The following PDE4D variants were observed in gnomAD, a reference collection of about 807,000 sequenced individuals.
The protein encoded by PDE4D is phosphodiesterase 4D, also known as 3',5'-cyclic-AMP phosphodiesterase 4D.
A neutral mutation model predicts 87.4 loss-of-function variants in PDE4D; 24 were observed. The observed-to-expected ratio is 0.27, with a 90% CI of 0.20 to 0.39. The LOEUF is 0.39. Among genes scored for constraint, PDE4D ranks in the 10% least tolerant of loss-of-function variants. The pLI, the probability that PDE4D is intolerant of heterozygous loss-of-function variation, is 1.00. For missense variants in PDE4D, 714 were observed against 1,041.0 expected (o/e 0.69, Z 4.32); for synonymous variants, 384 against 383.2 (o/e 1.00, Z -0.02).
At chr5:59,891,804 C>CACAA (rs1750995660) in intron 1 of PDE4D, among the ~76,000 whole-genome samples, 1 of 151,900 alleles carries the variant, frequency 6.6e-6, no homozygotes, top group South Asian at 2.1e-4. Flanking sequence ...CACACACACA[C>CACAA]ACAAAACTCA....
chr5:60,414,042 C>T (rs1742272452), intron 1 of PDE4D, among the ~76,000 whole-genome samples: 1 of 152,146 alleles, frequency 6.6e-6, no homozygotes, highest in South Asian at 2.1e-4. Flanking sequence ...ACAATTTCTC[C>T]CCTTTCGAAG....
chr5:59,167,049 A>G (rs1782028105), intron 5 of PDE4D, among the ~76,000 whole-genome samples: 2 of 152,244 alleles, frequency 1.3e-5, no homozygotes, highest in East Asian at 1.9e-4. Flanking sequence ...GACATTTACT[A>G]TGTCCCAGAC....
At chr5:60,023,887 G>A (rs1464069523) in intron 2 of PDE4D, among the ~76,000 whole-genome samples, 2 of 152,150 alleles carry the variant, frequency 1.3e-5, no homozygotes. Flanking sequence ...GCACGACTGT[G>A]ACCACAGATA....
At chr5:59,488,716 C>G (rs1383119364) in intron 1 of PDE4D, among the ~76,000 whole-genome samples, 14 of 149,962 alleles carry the variant, frequency 9.3e-5, no homozygotes, top group Admixed American at 7.3e-4. Flanking sequence ...GAGAGCTTTC[C>G]AAGTACAGTT....
intron 1 of PDE4D, among the ~76,000 whole-genome samples, chr5:59,562,957 A>G (rs116651655): frequency 3.0e-3 from 452 of 152,356 alleles, no homozygotes; most frequent in African/African-American, 0.01. Context: ...TGACTAGCCC[A>G]GAGGCTCTGT....
intron 1 of PDE4D, among the ~76,000 whole-genome samples, chr5:60,400,429 G>C (rs2150044723): frequency 6.7e-6 from 1 of 149,262 alleles, no homozygotes; most frequent in South Asian, 2.1e-4. Flanking sequence ...GGCTGAGGCA[G>C]GAGAATGGCG....
intron 1 of PDE4D, among the ~76,000 whole-genome samples, chr5:59,549,119 T>A (rs948432659): frequency 3.3e-5 from 5 of 152,192 alleles, no homozygotes; most frequent in African/African-American, 1.2e-4. Flanking sequence ...GGCCAAGTCC[T>A]CTGGTGGTAT....
At chr5:59,139,639 AT>A (rs1777610753) in intron 5 of PDE4D, among the ~76,000 whole-genome samples, 2 of 141,342 alleles carry the variant, frequency 1.4e-5, no homozygotes, top group East Asian at 1.9e-4. Context: ...CAATTTTTTT[AT>A]TTTTTTTATT....
chr5:60,272,256 G>C (rs1401797925), intron 1 of PDE4D, among the ~76,000 whole-genome samples: 1 of 152,208 alleles, frequency 6.6e-6, no homozygotes, highest in African/African-American at 2.4e-5. Context: ...AGATGACCTT[G>C]AGGGTCCAAA....
At chr5:60,279,396 G>A (rs531293675) in intron 1 of PDE4D, among the ~76,000 whole-genome samples, 18 of 152,242 alleles carry the variant, frequency 1.2e-4, no homozygotes, top group Non-Finnish European at 2.6e-4. Context: ...TAAAACTCCT[G>A]GTTCCCTCCT....
intron 6 of PDE4D, among the ~76,000 whole-genome samples, chr5:58,994,206 A>G (rs1748618355): frequency 6.6e-6 from 1 of 152,178 alleles, no homozygotes; most frequent in African/African-American, 2.4e-5. Context: ...AAACAGGTCA[A>G]TTTTCAACAA....
intron 2 of PDE4D, among the ~76,000 whole-genome samples, chr5:60,144,618 C>T (rs998827764): frequency 3.3e-5 from 5 of 152,140 alleles, no homozygotes; most frequent in African/African-American, 9.7e-5. Flanking sequence ...CTCAATGTTC[C>T]AAGTAGAATT....
At chr5:60,238,553 C>T (rs548624185) in intron 1 of PDE4D, among the ~76,000 whole-genome samples, 1 of 151,896 alleles carries the variant, frequency 6.6e-6, no homozygotes, top group Admixed American at 6.6e-5. Context: ...ATTCTTAAAA[C>T]TGGTTGGTAT....
At chr5:60,430,798 C>T (rs1486767945) in intron 1 of PDE4D, 1 of 277,404 alleles carries the variant, frequency 3.6e-6, no homozygotes, top group Non-Finnish European at 6.7e-6. Context: ...TCTTGCACCG[C>T]CCTTAATCCA....
chr5:60,399,452 C>T (rs1740848668), intron 1 of PDE4D, among the ~76,000 whole-genome samples: 2 of 152,194 alleles, frequency 1.3e-5, no homozygotes, highest in African/African-American at 4.8e-5. Flanking sequence ...TGATGAATTT[C>T]CTGCCATGTG....
In PDE4D at chr5:59,333,202, C is replaced by T. The variant is rs2153577837; in HGVS notation, c.456-117234G>A. On this transcript the variant is annotated intron_variant, in intron 1 of 14. Coordinates refer to ENST00000340635, the MANE Select transcript of PDE4D (RefSeq NM_001104631.2). ...TCCAGTTCTCTAGGTCAAAAGGAGG[C>T]AAAAGAGAATGAGTTGGCTGTTTTC... Among the ~76,000 whole-genome samples, 3 of 152,212 alleles carry T rather than the reference C, an allele frequency of 2.0e-5. No individual in the cohort carries two copies. The Middle Eastern group carries it at 0.01, about 518-fold the overall frequency.
At position 60,305,887 on chromosome 5, in the gene PDE4D, A is replaced by G. The variant is rs182694798; in HGVS notation, c.-89-120200T>C. 2.2e-3 allele frequency among the ~76,000 whole-genome samples: 335 copies of G among 152,176 alleles called. 1 individual carries two copies. The highest frequency in any genetic ancestry group is 3.3e-3 in the Non-Finnish European group (222 of 67,916). ...AAGAAACTAACAGAAATACAGTACT[A>G]AAGTCTAACAAAACTCTCTTAAAGA... On this transcript the variant is annotated intron_variant, in intron 1 of 16. Transcript: ENST00000502484.
intron 2 of PDE4D, among the ~76,000 whole-genome samples, chr5:60,131,915 C>T (rs4700365): frequency 6.6e-6 from 1 of 151,938 alleles, no homozygotes; most frequent in African/African-American, 2.4e-5. Flanking sequence ...AGGGCTTCTT[C>T]TTGGGTGTAG....
At chr5:60,407,056 C>T (rs897177548) in intron 1 of PDE4D, among the ~76,000 whole-genome samples, 10 of 151,872 alleles carry the variant, frequency 6.6e-5, no homozygotes, top group African/African-American at 2.2e-4. Flanking sequence ...TGAGATGTGA[C>T]GGAAAAAGCG....
Sources: allele counts gnomAD v4.1 joint callset (sites outside exome capture counted in the v4.1 genomes callset), GRCh38; gene constraint gnomAD v4.1.1; transcripts MANE v1.5; gene names NCBI Gene and HGNC (gene_info 2026-07-23, HGNC 2026-07-21).